The following UAP1 variants were observed in gnomAD, a reference collection of about 807,000 sequenced individuals.
The protein encoded by UAP1 is UDP-N-acetylglucosamine pyrophosphorylase 1.
A neutral mutation model predicts 58.5 loss-of-function variants in UAP1; 25 were observed. The observed-to-expected ratio is 0.43, with a 90% CI of 0.31 to 0.60. The LOEUF is 0.60. Ranked by LOEUF, UAP1 falls within the 20% of genes least tolerant of loss-of-function variation. UAP1 has a pLI of 0.11. For synonymous variants in UAP1, 208 were observed against 213.0 expected, an observed-to-expected ratio of 0.98 and a Z score of 0.21; for missense variants, 575 against 630.0, an observed-to-expected ratio of 0.91 and a Z score of 0.93.
chr1:162,589,035 CTT>C (rs1250512195), intron 7 of UAP1, among the ~76,000 whole-genome samples: 3 of 126,970 alleles, frequency 2.4e-5, no homozygotes, highest in African/African-American at 5.9e-5. Flanking sequence ...ATGAGTACAA[CTT>C]TTTTTTTTTT....
At chr1:162,590,202 T>G in intron 7 of UAP1, 121 bp from the exon 8 acceptor site, 2 of 734,598 alleles carry the variant, frequency 2.7e-6, no homozygotes, top group Non-Finnish European at 4.2e-6. Context: ...AATATTTTAT[T>G]CATCATTCAG....
At chr1:162,566,672 G>A (rs988336446) in intron 2 of UAP1, among the ~76,000 whole-genome samples, 2 of 151,598 alleles carry the variant, frequency 1.3e-5, no homozygotes, top group Admixed American at 6.6e-5. Flanking sequence ...TGTTGCCCAG[G>A]CTGGAGTGCA....
intron 10 of UAP1, among the ~76,000 whole-genome samples, chr1:162,599,068 T>C (rs914585864): frequency 2.0e-5 from 3 of 152,148 alleles, no homozygotes; most frequent in African/African-American, 7.2e-5. Context: ...TCAGAGTAAT[T>C]TTCTTTTTAT....
exon 8 of UAP1, chr1:162,590,418 G>A: frequency 6.2e-7 from 1 of 1,613,628 alleles, no homozygotes; most frequent in South Asian, 1.1e-5. Flanking sequence ...ACTACTGCAA[G>A]GCATGCTTTG....
chr1:162,586,570 C>T (rs1654914999), intron 5 of UAP1, among the ~76,000 whole-genome samples: 2 of 152,062 alleles, frequency 1.3e-5, no homozygotes, highest in African/African-American at 2.4e-5. Flanking sequence ...TTTGTTTCTT[C>T]GGTTGGATAT....
At chr1:162,563,907 C>A (rs1653335955) in intron 1 of UAP1, among the ~76,000 whole-genome samples, 1 of 152,118 alleles carries the variant, frequency 6.6e-6, no homozygotes, top group Admixed American at 6.5e-5. Flanking sequence ...TGCATAGAAT[C>A]AAATGATAGA....
At chr1:162,598,606 A>G (rs187770879) in intron 10 of UAP1, among the ~76,000 whole-genome samples, 26 of 152,234 alleles carry the variant, frequency 1.7e-4, no homozygotes, top group Non-Finnish European at 8.8e-5. Context: ...TAGTACTGTC[A>G]CTTTTAAAAC....
intron 7 of UAP1, among the ~76,000 whole-genome samples, chr1:162,589,462 T>C (rs1205021531): frequency 2.7e-5 from 4 of 150,636 alleles, no homozygotes; most frequent in Non-Finnish European, 4.4e-5. Flanking sequence ...CTTGGTCTCC[T>C]GTAAAGTTGT....
At chr1:162,579,228 A>T (rs1284331256) in intron 3 of UAP1, among the ~76,000 whole-genome samples, 200 bp from the exon 4 acceptor site, 2 of 152,210 alleles carry the variant, frequency 1.3e-5, no homozygotes, top group East Asian at 3.8e-4. Context: ...TTTCATACGT[A>T]AGAGTTGATG....
exon 7 of UAP1, chr1:162,588,699 T>C (rs748100058): frequency 2.0e-5 from 32 of 1,604,924 alleles, no homozygotes; most frequent in Non-Finnish European, 2.7e-5. Flanking sequence ...TTAGTGTTTA[T>C]GAACCTCAGT....
exon 10 of UAP1, chr1:162,597,822 A>G (rs2101850308): frequency 1.2e-6 from 2 of 1,613,400 alleles, no homozygotes; most frequent in South Asian, 1.1e-5. Flanking sequence ...TACCAATCCA[A>G]TGTGAAATCT....
At chr1:162,580,770 A>G (rs1267457618) in intron 4 of UAP1, among the ~76,000 whole-genome samples, 1 of 152,230 alleles carries the variant, frequency 6.6e-6, no homozygotes, top group African/African-American at 2.4e-5. Context: ...TTATAAATAG[A>G]TGGAGAAAGA....
At chr1:162,592,570 T>A (rs1655379468) in intron 8 of UAP1, among the ~76,000 whole-genome samples, 162 bp from the exon 9 acceptor site, 1 of 152,156 alleles carries the variant, frequency 6.6e-6, no homozygotes, top group African/African-American at 2.4e-5. Flanking sequence ...CTTTGGCCAT[T>A]GAGTTTTATT....
At chr1:162,598,505 T>C (rs980148070) in intron 10 of UAP1, among the ~76,000 whole-genome samples, 10 of 152,214 alleles carry the variant, frequency 6.6e-5, no homozygotes, top group African/African-American at 2.4e-4. Context: ...TTGAAAAATA[T>C]ATAATCAGCC....
intron 4 of UAP1, among the ~76,000 whole-genome samples, chr1:162,581,055 C>T (rs990911808): frequency 1.3e-5 from 2 of 152,134 alleles, no homozygotes; most frequent in African/African-American, 2.4e-5. Context: ...TTGGGGTTGC[C>T]TGATCTTACA....
At chr1:162,577,299 C>T (rs1654252099) in intron 3 of UAP1, among the ~76,000 whole-genome samples, 2 of 151,906 alleles carry the variant, frequency 1.3e-5, no homozygotes, top group Non-Finnish European at 2.9e-5. Flanking sequence ...CACCCATGCG[C>T]CTCTTCCGCA....
At chr1:162,587,194 A>G (rs1471680220) in intron 5 of UAP1, among the ~76,000 whole-genome samples, 5 of 152,168 alleles carry the variant, frequency 3.3e-5, no homozygotes, top group East Asian at 1.9e-4. Context: ...TCCCACTCCA[A>G]TGTGATTTAC....
intron 2 of UAP1, 71 bp from the exon 3 acceptor site, chr1:162,576,706 C>G: frequency 1.4e-6 from 2 of 1,396,294 alleles, no homozygotes; most frequent in Non-Finnish European, 2.0e-6. Flanking sequence ...GTCTTTGCTG[C>G]TACCTATGTA....
chr1:162,588,915 C>A (rs12022205), intron 7 of UAP1, 82 bp downstream of exon 7: 1 of 1,388,688 alleles, frequency 7.2e-7, no homozygotes, highest in South Asian at 1.5e-5. Context: ...AAACTGTTTT[C>A]AGGAAACATT....
Sources: allele counts gnomAD v4.1 joint callset (sites outside exome capture counted in the v4.1 genomes callset), GRCh38; gene constraint gnomAD v4.1.1; transcripts MANE v1.5; gene names NCBI Gene and HGNC (gene_info 2026-07-23, HGNC 2026-07-21).